Variants in DNAH7 observed in about 807,000 individuals in gnomAD.
The protein encoded by DNAH7 is dynein axonemal heavy chain 7, also known as axonemal beta dynein heavy chain 7.
Under a neutral mutation model 444.6 loss-of-function variants are expected in DNAH7, and 397 were observed. That is an observed-to-expected ratio of 0.89 (90% CI 0.82 to 0.97). The LOEUF (loss-of-function observed/expected upper bound fraction) is 0.97, where lower values mean the gene tolerates loss of function less well. Ranked by LOEUF, DNAH7 falls within the 50% of genes least tolerant of loss-of-function variation. DNAH7 has a pLI of 0.00. For synonymous variants in DNAH7, 1,636 were observed against 1,624.4 expected (o/e 1.01, Z -0.17); for missense variants, 4,902 against 4,800.8 (o/e 1.02, Z -0.62).
intron 61 of DNAH7, among the ~76,000 whole-genome samples, chr2:195,761,536 A>G (rs943251256): frequency 6.6e-6 from 1 of 152,166 alleles, no homozygotes; most frequent in Non-Finnish European, 1.5e-5. Context: ...AAGGCATTTA[A>G]CAATCAAACT....
chr2:195,891,580 A>C, intron 31 of DNAH7, 75 bp downstream of exon 31: 1 of 1,349,068 alleles, frequency 7.4e-7, no homozygotes, highest in Admixed American at 2.7e-5. Context: ...GTTTGTTTGA[A>C]AAAAAAATCA....
At chr2:195,815,487 T>C (rs1415695489) in intron 51 of DNAH7, among the ~76,000 whole-genome samples, 1 of 152,140 alleles carries the variant, frequency 6.6e-6, no homozygotes, top group East Asian at 1.9e-4. Context: ...TCTACTATGA[T>C]AAAGGAATTA....
At chr2:195,754,743 A>T (rs1693989284) in intron 62 of DNAH7, among the ~76,000 whole-genome samples, 1 of 151,912 alleles carries the variant, frequency 6.6e-6, no homozygotes, top group South Asian at 2.1e-4. Flanking sequence ...GAACTCCTAG[A>T]CTCAAGCAGT....
intron 16 of DNAH7, among the ~76,000 whole-genome samples, chr2:195,971,695 G>T (rs1393506500): frequency 1.3e-5 from 2 of 152,126 alleles, no homozygotes; most frequent in Admixed American, 1.3e-4. Context: ...TGAGTGAGGA[G>T]TGGGGAGAAG....
At chr2:196,054,604 T>C (rs1697687904) in intron 2 of DNAH7, among the ~76,000 whole-genome samples, 1 of 152,110 alleles carries the variant, frequency 6.6e-6, no homozygotes, top group African/African-American at 2.4e-5. Flanking sequence ...CCACCCCACC[T>C]CCACCTACTA....
chr2:195,903,318 G>C (rs1225620390), intron 27 of DNAH7: 3 of 152,010 alleles, frequency 2.0e-5, no homozygotes, highest in Non-Finnish European at 2.9e-5. Context: ...ATTTTGATCT[G>C]TTCAGGAACA....
intron 50 of DNAH7, 118 bp downstream of exon 50, chr2:195,817,578 A>T (rs1020162080): frequency 9.3e-7 from 1 of 1,070,678 alleles, no homozygotes; most frequent in Non-Finnish European, 1.3e-6. Flanking sequence ...TTTTCCTGTT[A>T]TATTTTCCCT....
At position 195,808,138 on chromosome 2, in the gene DNAH7, T is replaced by C. The variant is rs1696795558; in HGVS notation, c.10083+544A>G. 3.3e-5 allele frequency among the ~76,000 whole-genome samples: 5 copies of C among 152,174 alleles called. No homozygotes were observed. In the South Asian group the frequency reaches 1.0e-3, roughly 32 times the overall value. ...CTGGGAATTGGAAAAATATTAGCCC[T>C]TGTGTTAAAGAAAAATTGAGAGAAA... On this transcript the variant is annotated intron_variant, in intron 53 of 64. Coordinates refer to ENST00000312428, the MANE Select transcript of DNAH7 (RefSeq NM_018897.3).
At chr2:196,047,609 T>G in intron 4 of DNAH7, 110 bp from the exon 5 acceptor site, 2 of 947,754 alleles carry the variant, frequency 2.1e-6, no homozygotes, top group Non-Finnish European at 2.9e-6. Flanking sequence ...AAAATTACAT[T>G]ATCAAGTAAT....
intron 17 of DNAH7, among the ~76,000 whole-genome samples, chr2:195,961,460 A>G (rs199922295): frequency 2.0e-5 from 3 of 146,722 alleles, no homozygotes. Context: ...TTGATTTTTT[A>G]TTAGATTCCA....
chr2:195,942,609 T>C (rs1389756116), intron 19 of DNAH7, among the ~76,000 whole-genome samples: 2 of 152,150 alleles, frequency 1.3e-5, no homozygotes, highest in East Asian at 1.9e-4. Flanking sequence ...ATCATTAATA[T>C]GTCCCTCATA....
chr2:195,774,492 T>C (rs1332743571), intron 60 of DNAH7, among the ~76,000 whole-genome samples: 1 of 152,214 alleles, frequency 6.6e-6, no homozygotes, highest in African/African-American at 2.4e-5. Flanking sequence ...TTCTAATTTT[T>C]AGCTTTTTAA....
intron 15 of DNAH7, among the ~76,000 whole-genome samples, chr2:195,973,756 G>C (rs1242246588): frequency 5.9e-5 from 9 of 152,252 alleles, no homozygotes; most frequent in Non-Finnish European, 1.3e-4. Flanking sequence ...ACAGGCGTCA[G>C]CCACCGCGGC....
At chr2:195,944,946 A>G (rs775732443) in intron 19 of DNAH7, among the ~76,000 whole-genome samples, 11 of 151,860 alleles carry the variant, frequency 7.2e-5, no homozygotes, top group Non-Finnish European at 1.5e-4. Context: ...TCCACCAAAC[A>G]CTTCCCTGTA....
intron 49 of DNAH7, 97 bp downstream of exon 49, chr2:195,824,158 T>C (rs13386841): frequency 0.034 from 41,104 of 1,199,732 alleles, 1,000 homozygotes; most frequent in African/African-American, 0.11. Context: ...GCAAAATCCG[T>C]TTTTCTTAGG....
chr2:196,043,264 C>T, intron 5 of DNAH7, among the ~76,000 whole-genome samples: 1 of 151,884 alleles, frequency 6.6e-6, no homozygotes. Flanking sequence ...ATCTGTGAGG[C>T]TTTGAAAATA....
At chr2:195,850,940 G>T (rs924438070) in intron 46 of DNAH7, among the ~76,000 whole-genome samples, 10 of 152,292 alleles carry the variant, frequency 6.6e-5, no homozygotes, top group Non-Finnish European at 8.8e-5. Context: ...GGAAGGGAGA[G>T]AGACTCCCAT....
intron 27 of DNAH7, chr2:195,903,531 C>G (rs892841148): frequency 1.3e-5 from 2 of 152,030 alleles, no homozygotes; most frequent in African/African-American, 4.8e-5. Context: ...ACTACTGATT[C>G]TTCAGAATAG....
At position 196,026,920 on chromosome 2, in the gene DNAH7, G is replaced by A. The variant is rs1217812022; in HGVS notation, c.507C>T (p.His169=). The A allele has an allele frequency of 2.5e-6, 4 of 1,608,138 alleles. No individual in the cohort carries two copies. Among genetic ancestry groups the A allele is most frequent in the Non-Finnish European group, 1.7e-6 (2 of 1,176,624 alleles). The part of the protein sequence containing the change: ...KDILRYYYYI[H]HGIDTDHVAP... ...CTACATGGTCTGTATCAATTCCATG[G>A]TGAATATAATAGTAATATCTCTACA... The change falls in exon 7 of 65, where the codon CAC becomes CAT. Residue 169 remains histidine (H), a synonymous_variant. Transcript: ENST00000312428.
Sources: allele counts gnomAD v4.1 joint callset (sites outside exome capture counted in the v4.1 genomes callset), GRCh38; gene constraint gnomAD v4.1.1; transcripts MANE v1.5; gene names NCBI Gene and HGNC (gene_info 2026-07-23, HGNC 2026-07-21).